The following NT5DC3 variants were observed in gnomAD, a reference collection of about 807,000 sequenced individuals.
The protein encoded by NT5DC3 is 5'-nucleotidase domain containing 3.
Under a neutral mutation model 67.8 loss-of-function variants are expected in NT5DC3, and 42 were observed. The observed-to-expected ratio is 0.62, with a 90% CI of 0.48 to 0.80. The LOEUF (loss-of-function observed/expected upper bound fraction) is 0.80. Ranked by LOEUF, NT5DC3 falls within the 30% of genes least tolerant of loss-of-function variation. NT5DC3 has a pLI of 0.00. For missense variants in NT5DC3, 570 were observed against 696.4 expected (o/e 0.82, Z 2.04); for synonymous variants, 237 against 255.6 (o/e 0.93, Z 0.69).
intron 9 of NT5DC3, 26 bp from the exon 10 acceptor site, chr12:103,788,945 T>C (rs1440254619): frequency 7.1e-7 from 1 of 1,416,576 alleles, no homozygotes; most frequent in Admixed American, 1.7e-5. Context: ...GGAAACATTA[T>C]GACATGGAGT....
At position 103,785,475 on chromosome 12, in the gene NT5DC3, C is replaced by T; in HGVS notation, c.1189G>A (p.Asp397Asn). The T allele has an allele frequency of 2.5e-6, 4 of 1,614,012 alleles. No individual in the cohort carries two copies. Among genetic ancestry groups the T allele is most frequent in the Non-Finnish European group, 3.4e-6 (4 of 1,179,952 alleles). ...FGDHIYSDLA[D>N]LTLKHGWRTG... ...CTCCAGCCATGCTTTAGGGTCAAATCCTGATCACAAAGATCACGAAAAGTC... is the reference window on the plus strand; with the variant it reads ...CTCCAGCCATGCTTTAGGGTCAAATTCTGATCACAAAGATCACGAAAAGTC... Residue 397 changes from aspartate to asparagine, a missense_variant and splice_region_variant, in exon 12 of 14, where the codon GAT becomes AAT. Around this residue, in one of 2 missense-constraint regions of NT5DC3, gnomAD observed 466 missense variants for 608.0 expected, o/e 0.77. Coordinates refer to ENST00000392876, the MANE Select transcript of NT5DC3 (RefSeq NM_001031701.3).
chr12:103,755,817 G>A, the NT5DC3 span: 7 of 1,137,710 alleles, frequency 6.2e-6, no homozygotes, highest in Admixed American at 7.1e-5. Context: ...CACAGTCACA[G>A]TTAAGAGCAT....
the NT5DC3 span, chr12:103,750,677 G>A: frequency 6.2e-7 from 1 of 1,614,200 alleles, no homozygotes; most frequent in Admixed American, 1.7e-5. Flanking sequence ...AGGACAATGG[G>A]CAGTGCCATG....
chr12:103,754,589 G>A, the NT5DC3 span, among the ~76,000 whole-genome samples: 1 of 152,098 alleles, frequency 6.6e-6, no homozygotes, highest in Non-Finnish European at 1.5e-5. Context: ...TAATGGTGGT[G>A]GTGATGATGG....
At chr12:103,770,678 C>T (rs1419091028), downstream of NT5DC3, 1 of 152,274 alleles carries the variant, frequency 6.6e-6, no homozygotes, top group Non-Finnish European at 1.5e-5. Flanking sequence ...TCAAGCAATC[C>T]TCCCACCTTG....
downstream of NT5DC3, among the ~76,000 whole-genome samples, chr12:103,770,101 A>ATGG (rs1305904359): frequency 6.6e-6 from 1 of 152,232 alleles, no homozygotes; most frequent in African/African-American, 2.4e-5. Flanking sequence ...CATAGAAAAC[A>ATGG]TGGCCTATCC....
the NT5DC3 span, among the ~76,000 whole-genome samples, chr12:103,750,318 G>A: frequency 1.3e-5 from 2 of 152,216 alleles, no homozygotes; most frequent in African/African-American, 4.8e-5. Context: ...TGATAGAAGG[G>A]AATGGAAAAG....
intron 1 of NT5DC3, among the ~76,000 whole-genome samples, chr12:103,830,128 T>A (rs539358121): frequency 5.7e-4 from 87 of 152,350 alleles, no homozygotes; most frequent in African/African-American, 2.1e-3. Flanking sequence ...TACATACATT[T>A]ACTCATTTAA....
chr12:103,796,728 G>A (rs898890457), intron 6 of NT5DC3, among the ~76,000 whole-genome samples, 166 bp downstream of exon 6: 1 of 152,248 alleles, frequency 6.6e-6, no homozygotes, highest in Non-Finnish European at 1.5e-5. Flanking sequence ...TTCTCCTGAT[G>A]TAACAACATC....
the NT5DC3 span, chr12:103,746,599 T>C: frequency 1.2e-6 from 2 of 1,614,018 alleles, no homozygotes; most frequent in Non-Finnish European, 8.5e-7. Flanking sequence ...CTTTGCAGTT[T>C]TGCCTGCAGT....
the NT5DC3 span, among the ~76,000 whole-genome samples, chr12:103,759,428 A>C: frequency 1.3e-5 from 2 of 152,194 alleles, no homozygotes; most frequent in African/African-American, 4.8e-5. Flanking sequence ...ACAGCATACC[A>C]CACTGACAAT....
At chr12:103,748,855 C>G in the NT5DC3 span, 4 of 1,160,870 alleles carry the variant, frequency 3.4e-6, no homozygotes, top group Non-Finnish European at 4.8e-6. Context: ...ACGCAGGGGC[C>G]CATTTACTCA....
the NT5DC3 span, among the ~76,000 whole-genome samples, chr12:103,753,855 A>G: frequency 6.6e-6 from 1 of 152,134 alleles, no homozygotes; most frequent in East Asian, 1.9e-4. Context: ...AAAACAGTGG[A>G]GTTTCCCTGG....
At chr12:103,756,017 G>A in the NT5DC3 span, among the ~76,000 whole-genome samples, 1 of 152,074 alleles carries the variant, frequency 6.6e-6, no homozygotes, top group Non-Finnish European at 1.5e-5. Context: ...TAGACCTGTG[G>A]TCTGTACATG....
the NT5DC3 span, chr12:103,750,777 G>C: frequency 6.5e-7 from 1 of 1,543,008 alleles, no homozygotes; most frequent in Middle Eastern, 1.8e-4. Context: ...CCTGGGGAAG[G>C]GACCCTCAAG....
At chr12:103,810,197 C>T (rs578094523) in intron 2 of NT5DC3, among the ~76,000 whole-genome samples, 1 of 152,334 alleles carries the variant, frequency 6.6e-6, no homozygotes, top group Admixed American at 6.5e-5. Context: ...AAGGCCTCTT[C>T]TAGTCGAACC....
the NT5DC3 span, chr12:103,763,807 G>C: frequency 2.0e-6 from 1 of 509,780 alleles, no homozygotes; most frequent in Non-Finnish European, 3.5e-6. Flanking sequence ...CTCTTGGGTA[G>C]ACAGCAGAAT....
Position 103,787,713 on chromosome 12 carries a change from T to A in NT5DC3, c.1102-186A>T, listed in dbSNP as rs544767403. Among the ~76,000 whole-genome samples, 23 of 152,332 alleles carry A rather than the reference T, an allele frequency of 1.5e-4. No individual in the cohort carries two copies. The East Asian group carries it at 2.3e-3, about 15-fold the overall frequency. On this transcript the variant is annotated intron_variant, in intron 10 of 13. Transcript: ENST00000392876. ...TCAAATGCACTGTTCAAGAAGGATT[T>A]ATATTATATACACCTCACTGTAACT...
At chr12:103,838,564 G>C (rs777978217) in intron 1 of NT5DC3, among the ~76,000 whole-genome samples, 12 of 152,166 alleles carry the variant, frequency 7.9e-5, no homozygotes, top group Non-Finnish European at 1.6e-4. Flanking sequence ...ATTTGACCCA[G>C]CAATTGTACT....
Sources: gnomAD v4.1 joint callset for allele counts (sites outside exome capture counted in the v4.1 genomes callset) on GRCh38, gnomAD v4.1.1 for gene constraint, gnomAD v4.1.1 regional missense constraint, MANE v1.5 for transcripts, NCBI Gene and HGNC (gene_info 2026-07-23, HGNC 2026-07-21) for gene names.